Variants in COL6A6 observed in about 807,000 individuals in gnomAD.
COL6A6 encodes the protein collagen type VI alpha 6 chain.
Under a neutral mutation model 208.6 loss-of-function variants are expected in COL6A6, and 183 were observed. The ratio of observed to expected loss-of-function variants is 0.88; its 90% confidence interval spans 0.78 to 0.99. The LOEUF (loss-of-function observed/expected upper bound fraction) is 0.99, where lower values mean the gene tolerates loss of function less well. Ranked by LOEUF, COL6A6 falls within the 50% of genes least tolerant of loss-of-function variation. COL6A6 has a pLI of 0.00. For missense variants in COL6A6, 2,816 were observed against 2,815.2 expected (o/e 1.00, Z -0.01); for synonymous variants, 973 against 1,011.8 (o/e 0.96, Z 0.73).
At position 130,517,277 on chromosome 3, in the gene COL6A6, C is replaced by T. The variant is rs536079853; in HGVS notation, c.-152C>T. ...GTCTCCACCGTCTCCCCGCGCGCCG[C>T]AGGCGGCACCAAACTCTGCGCTCCC... is the stretch of plus-strand genomic sequence containing the variant. On this transcript the variant is annotated 5_prime_UTR_variant, in exon 1 of 37. Transcript: ENST00000358511. Among the ~76,000 whole-genome samples the T allele has an allele frequency of 6.6e-6, 1 of 152,314 alleles. No homozygotes were observed. Among genetic ancestry groups the T allele is most frequent in the Admixed American group, 6.5e-5 (1 of 15,312 alleles).
Position 130,649,100 on chromosome 3 carries a change from G to A in COL6A6, c.5271G>A (p.Glu1757=). The A allele has an allele frequency of 6.3e-7, 1 of 1,575,100 alleles. No homozygotes were observed. Among genetic ancestry groups the A allele is most frequent in the Non-Finnish European group, 8.6e-7 (1 of 1,159,732 alleles). Residue 1757 remains glutamate, a synonymous_variant, in exon 33 of 37, where the codon GAG becomes GAA. Coordinates refer to ENST00000358511, the MANE Select transcript of COL6A6 (RefSeq NM_001102608.3). ...GKPECPVHPT[E]LVFALDHSRD... is the part of the protein sequence containing the mutation. The stretch of plus-strand genomic sequence containing the variant: ...CGGAATGCCCAGTGCACCCAACCGA[G>A]TTGGTGTTTGCCCTGGACCACTCCC...
intron 1 of COL6A6, among the ~76,000 whole-genome samples, chr3:130,522,697 C>T (rs1445029889): frequency 6.6e-6 from 1 of 152,100 alleles, no homozygotes; most frequent in Admixed American, 6.6e-5. Flanking sequence ...CCTCTTCCTG[C>T]GAATGGCACA....
chr3:130,599,273 G>T (rs1312323358), intron 19 of COL6A6, among the ~76,000 whole-genome samples: 1 of 152,096 alleles, frequency 6.6e-6, no homozygotes, highest in Non-Finnish European at 1.5e-5. Context: ...GCATACTTTT[G>T]TATCTAATGA....
intron 4 of COL6A6, among the ~76,000 whole-genome samples, chr3:130,566,199 CATA>C (rs1436214453): frequency 2.6e-5 from 4 of 151,986 alleles, no homozygotes; most frequent in Non-Finnish European, 5.9e-5. Context: ...TATATTCTTC[CATA>C]AATATTTATA....
chr3:130,606,142 A>G (rs966066820), intron 20 of COL6A6, among the ~76,000 whole-genome samples: 1 of 152,220 alleles, frequency 6.6e-6, no homozygotes, highest in Non-Finnish European at 1.5e-5. Flanking sequence ...CAATCAAGAC[A>G]ATTCCGATTT....
In COL6A6 at chr3:130,661,809, G is replaced by A. The variant is rs376336362; in HGVS notation, c.6003G>A (p.Pro2001=). The change falls in exon 35 of 37, where the codon CCG becomes CCA. Residue 2001 remains proline (P), a synonymous_variant. Coordinates refer to ENST00000358511, the MANE Select transcript of COL6A6 (RefSeq NM_001102608.3). ...LLDHFEITPE[P]ETSVTGDRVA... is the part of the protein sequence containing the mutation. ...ATCACTTTGAAATCACCCCAGAGCC[G>A]GAGACTTCTGTCACTGGAGACCGGG... 92 of 1,613,760 alleles carry A rather than the reference G, an allele frequency of 5.7e-5. No homozygotes were observed. Among genetic ancestry groups the A allele is most frequent in the South Asian group, 2.7e-4 (25 of 91,068 alleles).
At chr3:130,604,880 A>G (rs1213697935) in intron 20 of COL6A6, among the ~76,000 whole-genome samples, 2 of 152,238 alleles carry the variant, frequency 1.3e-5, no homozygotes, top group East Asian at 3.8e-4. Context: ...TTGCTTGAAT[A>G]TAAAGTTCCA....
intron 28 of COL6A6, among the ~76,000 whole-genome samples, chr3:130,636,827 C>T (rs2065138322): frequency 9.5e-5 from 1 of 10,498 alleles, no homozygotes; most frequent in Non-Finnish European, 1.5e-4. Context: ...CCTTCCTCCT[C>T]CCCTCCCCCT....
chr3:130,581,785 A>G lies in COL6A6; in HGVS notation c.3772A>G (p.Ser1258Gly), dbSNP rs1172753918. 6.2e-7 allele frequency: 1 copy of G among 1,613,694 alleles called. No individual in the cohort carries two copies. The highest frequency in any genetic ancestry group is 8.5e-7 in the Non-Finnish European group (1 of 1,179,696). The change falls in exon 9 of 37, where the codon AGT becomes GGT. Residue 1258 changes from serine to glycine, a missense_variant. Transcript: ENST00000358511. Reference sequence around the variant, plus strand: ...ATATTCTCCCAAGTTTGAGATCTACAGTGAAAACATACTGAATAGCTTGAA... The same window carrying G: ...ATATTCTCCCAAGTTTGAGATCTACGGTGAAAACATACTGAATAGCTTGAA... ...EKYSPKFEIY[S>G]ENILNSLKDI... is the part of the protein sequence containing the mutation.
At position 130,575,297 on chromosome 3, in the gene COL6A6, A is replaced by AG. The variant is rs2063268412; in HGVS notation, c.3547+773dup. Among the ~76,000 whole-genome samples, 14 of 152,372 alleles carry AG rather than the reference A, an allele frequency of 9.2e-5. No individual in the cohort carries two copies. The South Asian group carries it at 2.9e-3, about 32-fold the overall frequency. On this transcript the variant is annotated intron_variant, in intron 8 of 36. Coordinates refer to ENST00000358511, the MANE Select transcript of COL6A6 (RefSeq NM_001102608.3). ...TCACCTTTGAAATGTGAATAATAGC[A>AG]GTACCTAGTTCAAAAGAACATTGTG...
intron 32 of COL6A6, among the ~76,000 whole-genome samples, chr3:130,647,900 T>C (rs2065507995): frequency 6.6e-6 from 1 of 152,256 alleles, no homozygotes; most frequent in Non-Finnish European, 1.5e-5. Context: ...ATTAAACTTT[T>C]GTTATTTCTA....
At chr3:130,661,514 T>TA in intron 34 of COL6A6, 123 bp from the exon 35 acceptor site, 1 of 738,970 alleles carries the variant, frequency 1.4e-6, no homozygotes, top group Non-Finnish European at 2.2e-6. Context: ...CTGTTACTAT[T>TA]AAAGTATTTA....
At chr3:130,621,181 T>C (rs1297452742) in intron 23 of COL6A6, among the ~76,000 whole-genome samples, 2 of 152,232 alleles carry the variant, frequency 1.3e-5, no homozygotes, top group Non-Finnish European at 2.9e-5. Context: ...TCTTAAGGCT[T>C]TCTTTCTTTA....
In COL6A6 at chr3:130,532,659, TCTTA is replaced by T. The variant is rs1293688236; in HGVS notation, c.-32+15266_-32+15269del. Among the ~76,000 whole-genome samples the T allele has an allele frequency of 2.6e-5, 4 of 152,352 alleles. No individual in the cohort carries two copies. In the South Asian group the frequency reaches 8.3e-4, roughly 32 times the overall value. On this transcript the variant is annotated intron_variant, in intron 1 of 36. Coordinates refer to ENST00000358511, the MANE Select transcript of COL6A6 (RefSeq NM_001102608.3). ...TGTGCTTCAAGGAATTAAAACTGGA[TCTTA>T]CTTTATGCACCAGTTATCTAAGTTT...
chr3:130,665,853 C>T (rs2066061732), intron 36 of COL6A6, among the ~76,000 whole-genome samples: 1 of 152,134 alleles, frequency 6.6e-6, no homozygotes, highest in East Asian at 1.9e-4. Context: ...GGGGAACAGG[C>T]TGTTTAAATA....
At chr3:130,594,804 C>T (rs1417166936) in intron 18 of COL6A6, among the ~76,000 whole-genome samples, 1 of 152,164 alleles carries the variant, frequency 6.6e-6, no homozygotes, top group Non-Finnish European at 1.5e-5. Flanking sequence ...GAGGTGCCCT[C>T]ACAATCATGA....
At chr3:130,586,467 A>G in intron 10 of COL6A6, 39 bp from the exon 11 acceptor site, 3 of 1,564,288 alleles carry the variant, frequency 1.9e-6, no homozygotes, top group Non-Finnish European at 2.6e-6. Flanking sequence ...AAGTAACCAA[A>G]CCCACCTCAC....
chr3:130,524,518 C>T (rs2061916308), intron 1 of COL6A6, among the ~76,000 whole-genome samples: 1 of 152,114 alleles, frequency 6.6e-6, no homozygotes, highest in Non-Finnish European at 1.5e-5. Flanking sequence ...ATGGTGTTGT[C>T]TATGTTGGAG....
Position 130,582,058 on chromosome 3 carries a change from T to C in COL6A6, c.3960T>C (p.Leu1320=). ...VEKLEQKSDE[L]RKEGLNALIT... is the part of the protein sequence containing the mutation. ...AACTTGAACAAAAATCTGATGAACT[T>C]AGAAAAGAAGGTACTGAGTATGGAG... Residue 1320 remains leucine, a synonymous_variant, in exon 10 of 37, where the codon CTT becomes CTC. Coordinates refer to ENST00000358511, the MANE Select transcript of COL6A6 (RefSeq NM_001102608.3). 6.3e-7 allele frequency: 1 copy of C among 1,591,650 alleles called. No homozygotes were observed. The highest frequency in any genetic ancestry group is 8.6e-7 in the Non-Finnish European group (1 of 1,163,812).
Sources: allele counts gnomAD v4.1 joint callset (sites outside exome capture counted in the v4.1 genomes callset), GRCh38; gene constraint gnomAD v4.1.1; transcripts MANE v1.5; gene names NCBI Gene and HGNC (gene_info 2026-07-23, HGNC 2026-07-21).